Variants in SCFD2 observed in about 807,000 individuals in gnomAD.
The protein encoded by SCFD2 is sec1 family domain containing 2.
A neutral mutation model predicts 58.9 loss-of-function variants in SCFD2; 54 were observed. The ratio of observed to expected loss-of-function variants is 0.92; its 90% CI spans 0.74 to 1.15. The LOEUF (loss-of-function observed/expected upper bound fraction) is 1.15, where lower values mean the gene tolerates loss of function less well. SCFD2 is among the 50% of genes most tolerant of loss of function. The pLI is 0.00. For missense variants in SCFD2, 805 were observed against 836.6 expected (o/e 0.96, Z 0.47); for synonymous variants, 321 against 335.9 (o/e 0.96, Z 0.49).
At chr4:53,257,798 G>A (rs1203530753) in intron 4 of SCFD2, among the ~76,000 whole-genome samples, 1 of 151,130 alleles carries the variant, frequency 6.6e-6, no homozygotes, top group Non-Finnish European at 1.5e-5. Flanking sequence ...GTTTTTTTTA[G>A]ATTTAAAAAT....
chr4:53,276,020 G>A (rs1451657957), intron 3 of SCFD2, among the ~76,000 whole-genome samples: 1 of 146,826 alleles, frequency 6.8e-6, no homozygotes. Context: ...ACAGGTCTTT[G>A]TGTGTGTGTG....
At chr4:53,197,747 CAA>C (rs10717880) in intron 4 of SCFD2, among the ~76,000 whole-genome samples, 3,328 of 96,664 alleles carry the variant, frequency 0.034, 60 homozygotes, top group African/African-American at 0.079. Flanking sequence ...TAGAAGATGG[CAA>C]AAAAAAAAAA....
chr4:53,206,865 G>A (rs1728421238), intron 4 of SCFD2, among the ~76,000 whole-genome samples: 1 of 152,022 alleles, frequency 6.6e-6, no homozygotes, highest in South Asian at 2.1e-4. Context: ...TAAATTAACA[G>A]TGCCTGGTTG....
chr4:53,180,214 C>G (rs1009960915), intron 4 of SCFD2, among the ~76,000 whole-genome samples: 2 of 152,182 alleles, frequency 1.3e-5, no homozygotes, highest in African/African-American at 4.8e-5. Flanking sequence ...TTCAGCACCA[C>G]AACACACCTA....
At chr4:53,108,208 G>A (rs1577733873) in intron 5 of SCFD2, among the ~76,000 whole-genome samples, 1 of 152,154 alleles carries the variant, frequency 6.6e-6, no homozygotes, top group South Asian at 2.1e-4. Context: ...GAATCAACGG[G>A]ACACAACTAA....
intron 4 of SCFD2, among the ~76,000 whole-genome samples, chr4:53,199,370 A>G (rs1728156897): frequency 6.6e-6 from 1 of 152,110 alleles, no homozygotes; most frequent in African/African-American, 2.4e-5. Flanking sequence ...ATTACAAACA[A>G]CAGAGTATGA....
At chr4:53,240,652 T>A (rs1454348095) in intron 4 of SCFD2, among the ~76,000 whole-genome samples, 5 of 152,230 alleles carry the variant, frequency 3.3e-5, no homozygotes, top group African/African-American at 1.2e-4. Flanking sequence ...ACTGTTTGAA[T>A]CTCAAAATAG....
At chr4:53,150,789 G>T (rs1161426922) in intron 4 of SCFD2, among the ~76,000 whole-genome samples, 1 of 152,122 alleles carries the variant, frequency 6.6e-6, no homozygotes, top group East Asian at 1.9e-4. Flanking sequence ...CATAACATTG[G>T]GACAATTGCT....
intron 5 of SCFD2, among the ~76,000 whole-genome samples, chr4:52,931,472 G>A (rs1719992334): frequency 6.6e-6 from 1 of 152,178 alleles, no homozygotes; most frequent in Non-Finnish European, 1.5e-5. Context: ...AAGCACAGCT[G>A]GCAGTTTTCC....
intron 5 of SCFD2, among the ~76,000 whole-genome samples, chr4:53,123,540 G>GCA (rs3986376): frequency 3.9e-5 from 3 of 76,860 alleles, no homozygotes; most frequent in Admixed American, 1.3e-4. Context: ...GGTGGGGGGG[G>GCA]GGCACTGACA....
intron 4 of SCFD2, among the ~76,000 whole-genome samples, chr4:53,213,962 C>A (rs6847120): frequency 0.98 from 148,372 of 152,098 alleles, 72,520 homozygotes; most frequent in Middle Eastern, 1. Flanking sequence ...AGCTTCATCC[C>A]TGTCCCTACA....
At chr4:53,143,329 A>G (rs1726223682) in intron 5 of SCFD2, among the ~76,000 whole-genome samples, 1 of 152,214 alleles carries the variant, frequency 6.6e-6, no homozygotes, top group Non-Finnish European at 1.5e-5. Context: ...TTTTAATTAA[A>G]TTCTCCTAGC....
intron 2 of SCFD2, among the ~76,000 whole-genome samples, chr4:53,342,329 T>A (rs1342372438): frequency 1.3e-5 from 2 of 151,984 alleles, no homozygotes; most frequent in Non-Finnish European, 2.9e-5. Flanking sequence ...TAAAACAGAC[T>A]TTAAACCAAC....
chr4:53,335,204 A>AC (rs1194021923), intron 2 of SCFD2, among the ~76,000 whole-genome samples: 1 of 146,454 alleles, frequency 6.8e-6, no homozygotes, highest in African/African-American at 2.6e-5. Flanking sequence ...CAAAAAAAAA[A>AC]AAAAAAAAAC....
chr4:53,081,776 G>T (rs1231687407), intron 5 of SCFD2, among the ~76,000 whole-genome samples: 1 of 152,028 alleles, frequency 6.6e-6, no homozygotes, highest in Non-Finnish European at 1.5e-5. Context: ...TAATTCCAGA[G>T]CACTGAAATC....
intron 2 of SCFD2, among the ~76,000 whole-genome samples, chr4:53,328,981 G>A (rs1206360113): frequency 6.6e-6 from 1 of 152,244 alleles, no homozygotes; most frequent in Non-Finnish European, 1.5e-5. Flanking sequence ...AGAAAGGGGT[G>A]ACGGACACAC....
Position 53,338,344 on chromosome 4 carries a change from G to C in SCFD2, c.1007+14254C>G, listed in dbSNP as rs1733744747. 2.0e-5 allele frequency among the ~76,000 whole-genome samples: 3 copies of C among 152,026 alleles called. No individual in the cohort carries two copies. The South Asian group carries it at 6.2e-4, about 32-fold the overall frequency. ...TAATAGCTGAAAACTTCTCACATTT[G>C]CAAGTCATAAACCTACAGATGCAAT... On this transcript the variant is annotated intron_variant, in intron 2 of 8. Coordinates refer to ENST00000401642, the MANE Select transcript of SCFD2 (RefSeq NM_152540.4).
At chr4:53,235,527 G>C (rs1483909240) in intron 4 of SCFD2, among the ~76,000 whole-genome samples, 1 of 152,174 alleles carries the variant, frequency 6.6e-6, no homozygotes, top group East Asian at 1.9e-4. Flanking sequence ...TATTCTAGCA[G>C]AGAGAGATAA....
At chr4:52,987,066 G>A (rs1054123036) in intron 5 of SCFD2, among the ~76,000 whole-genome samples, 8 of 152,054 alleles carry the variant, frequency 5.3e-5, no homozygotes, top group Admixed American at 2.0e-4. Flanking sequence ...GTCTCGCTCC[G>A]TCGCCCAGGC....
Sources: allele counts gnomAD v4.1 joint callset (sites outside exome capture counted in the v4.1 genomes callset), GRCh38; gene constraint gnomAD v4.1.1; transcripts MANE v1.5; gene names NCBI Gene and HGNC (gene_info 2026-07-23, HGNC 2026-07-21).